TFE3: variants seen among roughly 807,000 people sequenced by gnomAD.
TFE3 encodes the protein transcription factor binding to IGHM enhancer 3, also known as transcription factor E3.
A neutral mutation model predicts 35.0 loss-of-function variants in TFE3; 5 were observed. That is an observed-to-expected ratio of 0.14 (90% CI 0.07 to 0.30). The LOEUF is 0.30. Among genes scored for constraint, TFE3 ranks in the 10% least tolerant of loss-of-function variants. TFE3 has a pLI of 1.00. For synonymous variants in TFE3, 211 were observed against 215.6 expected, an observed-to-expected ratio of 0.98 and a Z score of 0.18; for missense variants, 374 against 496.6, an observed-to-expected ratio of 0.75 and a Z score of 2.35.
chrX:49,035,896 C>A (rs2064726592), intron 5 of TFE3, among the ~76,000 whole-genome samples: 1 of 111,029 alleles, frequency 9.0e-6, no homozygotes, highest in Non-Finnish European at 1.9e-5. Flanking sequence ...TGAGACCAGG[C>A]ATGGTGGCTA....
At chrX:49,038,554 G>A (rs1229120347) in intron 3 of TFE3, 112 bp from the exon 4 acceptor site, 6 of 974,547 alleles carry the variant, frequency 6.2e-6, no homozygotes, top group African/African-American at 2.0e-5. Context: ...CTAGACTCAC[G>A]CAGACAAGCT....
Position 49,036,012 on chromosome X carries a change from A to G in TFE3, c.886-1761T>C, listed in dbSNP as rs1284028175. ...CAGTGAGACCCTGTCTCTACTAAAAATGCAAAAAATTAGCCAGGCATGGTG... is the reference window on the plus strand; with the variant it reads ...CAGTGAGACCCTGTCTCTACTAAAAGTGCAAAAAATTAGCCAGGCATGGTG... On this transcript the variant is annotated intron_variant, in intron 5 of 9. Transcript: ENST00000315869. 2.8e-5 allele frequency among the ~76,000 whole-genome samples: 3 copies of G among 106,788 alleles called. No individual in the cohort carries two copies. The Admixed American group carries it at 3.0e-4, about 11-fold the overall frequency. 92.7% of individuals were successfully genotyped at this position (106,788 alleles called of 115,157 possible). A position where few individuals can be genotyped will look rare whatever the true frequency, so the allele number is the denominator to read the frequency against.
rs370070686 is a variant in TFE3 at position 49,029,914 on chromosome X, G to C, written c.*244C>G. On this transcript the variant is annotated 3_prime_UTR_variant, in exon 10 of 10. Transcript: ENST00000315869. ...CCCAGGGGGCAGGCCCTGATCTCATGTCCTTCTCCAGCCTTCTCCTTCTGA... is the reference window on the plus strand; with the variant it reads ...CCCAGGGGGCAGGCCCTGATCTCATCTCCTTCTCCAGCCTTCTCCTTCTGA... 292 of 510,808 alleles carry C rather than the reference G, an allele frequency of 5.7e-4. 6 individuals are homozygous for C. The highest frequency in any genetic ancestry group is 2.0e-3 in the Admixed American group (83 of 41,160). The allele number at this position is 510,808 out of a possible 1,213,427, so 42.1% of individuals were successfully genotyped here. A position where few individuals can be genotyped will look rare whatever the true frequency, so the allele number is the denominator to read the frequency against.
intron 8 of TFE3, 157 bp from the exon 9 acceptor site, chrX:49,031,701 C>T (rs1316118411): frequency 5.5e-6 from 3 of 547,793 alleles, no homozygotes; most frequent in African/African-American, 2.4e-5. Context: ...GAAAACTTCC[C>T]GCCTGGAATC....
chrX:49,043,289 A>C lies in TFE3; in HGVS notation c.-63T>G. The C allele has an allele frequency of 7.1e-6, 6 of 845,669 alleles. No individual in the cohort carries two copies. The highest frequency in any genetic ancestry group is 9.7e-6 in the Non-Finnish European group (6 of 619,867). The allele number at this position is 845,669 out of a possible 1,213,427, so 69.7% of individuals were successfully genotyped here. A position where few individuals can be genotyped will look rare whatever the true frequency, so the allele number is the denominator to read the frequency against. On this transcript the variant is annotated 5_prime_UTR_variant, in exon 1 of 10. It adds an upstream start codon to the 5' untranslated region. Transcript: ENST00000315869. ...GGCCTCGGCCCGGTCCCCCTAACAAAATAAGAGTCCCCCCTCCCCCCAGCT... is the reference window on the plus strand; with the variant it reads ...GGCCTCGGCCCGGTCCCCCTAACAACATAAGAGTCCCCCCTCCCCCCAGCT...
chrX:49,039,328 C>T lies in TFE3; in HGVS notation c.313G>A (p.Ala105Thr). 1 of 1,207,162 alleles carries T rather than the reference C, an allele frequency of 8.3e-7. No homozygotes were observed. The highest frequency in any genetic ancestry group is 1.1e-6 in the Non-Finnish European group (1 of 893,145). Reference sequence around the variant, plus strand: ...CTCGATGAAGAAGATGACGACATGGCAGGGGTCCTGGAGCCCCCTGCAGAA... The same window carrying T: ...CTCGATGAAGAAGATGACGACATGGTAGGGGTCCTGGAGCCCCCTGCAGAA... Reference protein sequence around the residue: ...SSSAGGSRTPAMSSSSSSRVL... With the variant: ...SSSAGGSRTPTMSSSSSSRVL... Residue 105 changes from alanine to threonine, a missense_variant, in exon 3 of 10, where the codon GCC becomes ACC. This residue lies in a region of TFE3 where 90 missense variants were observed against 87.5 expected (regional missense o/e 1.03). Coordinates refer to ENST00000315869, the MANE Select transcript of TFE3 (RefSeq NM_006521.6).
At chrX:49,031,238 A>G (rs2064698153) in intron 9 of TFE3, among the ~76,000 whole-genome samples, 159 bp downstream of exon 9, 1 of 111,106 alleles carries the variant, frequency 9.0e-6, no homozygotes, top group South Asian at 3.7e-4. Context: ...TAATATTATG[A>G]TTATTATTTA....
In TFE3 at chrX:49,039,188, G is replaced by A. The variant is rs1557075283; in HGVS notation, c.453C>T (p.Ala151=). Residue 151 remains alanine (A), a synonymous_variant, in exon 3 of 10, where the codon GCC becomes GCT. Transcript: ENST00000315869. ...CAGCAGAGACGCCAACCACAGAGATGGCAGGAGAGGCAGGTGCAGGACTGG... is the reference window on the plus strand; with the variant it reads ...CAGCAGAGACGCCAACCACAGAGATAGCAGGAGAGGCAGGTGCAGGACTGG... ...PFPSPAPASP[A]ISVVGVSAGG... The A allele has an allele frequency of 2.5e-6, 3 of 1,204,923 alleles. No homozygotes were observed. Among genetic ancestry groups the A allele is most frequent in the Non-Finnish European group, 3.4e-6 (3 of 891,765 alleles).
chrX:49,037,264 T>C (rs1450040437), intron 5 of TFE3, among the ~76,000 whole-genome samples: 1 of 111,154 alleles, frequency 9.0e-6, no homozygotes, highest in African/African-American at 3.3e-5. Flanking sequence ...ACCGCTGCAC[T>C]CCAGCCAGGG....
At position 49,041,769 on chromosome X, in the gene TFE3, C is replaced by T. The variant is rs183368194; in HGVS notation, c.117-1201G>A. Among the ~76,000 whole-genome samples the T allele has an allele frequency of 3.6e-3, 404 of 112,118 alleles. 1 individual carries two copies. The highest frequency in any genetic ancestry group is 5.0e-3 in the Non-Finnish European group (268 of 53,199). On this transcript the variant is annotated intron_variant, in intron 1 of 9. Coordinates refer to ENST00000315869, the MANE Select transcript of TFE3 (RefSeq NM_006521.6). ...GATATACAGAAAGGCTCTGCTCAGC[C>T]CCAGAGAGCAAGGGACAGTTAACAC...
intron 9 of TFE3, 63 bp downstream of exon 9, chrX:49,031,334 C>G: frequency 8.8e-7 from 1 of 1,130,412 alleles, no homozygotes; most frequent in Non-Finnish European, 1.2e-6. Flanking sequence ...CCTGCTCTCT[C>G]TCTGCCTCCA....
chrX:49,032,814 A>G (rs1557073986), intron 8 of TFE3, among the ~76,000 whole-genome samples: 7 of 110,565 alleles, frequency 6.3e-5, no homozygotes. Context: ...AGCGGGGATT[A>G]CAGGTGCGTG....
intron 5 of TFE3, among the ~76,000 whole-genome samples, chrX:49,034,493 G>A (rs1557074342): frequency 1.8e-5 from 2 of 111,676 alleles, no homozygotes; most frequent in Admixed American, 1.9e-4. Flanking sequence ...GAGCCTGCCT[G>A]GCCTGCTTAT....
chrX:49,038,476 A>C, intron 3 of TFE3, 34 bp from the exon 4 acceptor site: 1 of 1,183,674 alleles, frequency 8.4e-7, no homozygotes, highest in Non-Finnish European at 1.1e-6. Flanking sequence ...AAGAGAGGGG[A>C]CAAGGCAGAA....
Position 49,030,426 on chromosome X carries a change from G to A in TFE3, c.1460C>T (p.Ala487Val). The change falls in exon 10 of 10, where the codon GCT becomes GTT. Residue 487 changes from alanine to valine, a missense_variant. Transcript: ENST00000315869. ...CGGTGCAGGGGGCTGCTGATGGGGA[G>A]CATTCTGGGCAGGTCCCCCCCCTAC... ...FHVGGGPAQN[A>V]PHQQPPAPPS... The A allele has an allele frequency of 8.3e-7, 1 of 1,211,452 alleles. No individual in the cohort carries two copies. The highest frequency in any genetic ancestry group is 1.1e-6 in the Non-Finnish European group (1 of 895,403).
Position 49,043,308 on chromosome X carries a change from C to G in TFE3, c.-82G>C. On this transcript the variant is annotated 5_prime_UTR_variant, in exon 1 of 10. Transcript: ENST00000315869. ...TAACAAAATAAGAGTCCCCCCTCCCCCCAGCTCGCCACCGCCGCCTCCTCC... is the reference window on the plus strand; with the variant it reads ...TAACAAAATAAGAGTCCCCCCTCCCGCCAGCTCGCCACCGCCGCCTCCTCC... 2 of 783,982 alleles carry G rather than the reference C, an allele frequency of 2.6e-6. No homozygotes were observed. The highest frequency in any genetic ancestry group is 3.8e-5 in the East Asian group (1 of 26,366). 64.6% of individuals were successfully genotyped at this position (783,982 alleles called of 1,213,427 possible).
intron 8 of TFE3, among the ~76,000 whole-genome samples, chrX:49,032,265 C>T (rs919660656): frequency 1.4e-4 from 15 of 111,006 alleles, no homozygotes; most frequent in Non-Finnish European, 2.6e-4. Context: ...GATGGAGTCT[C>T]GCTCTGTCAC....
intron 2 of TFE3, 190 bp from the exon 3 acceptor site, chrX:49,039,600 G>A (rs1368565071): frequency 2.4e-6 from 1 of 422,665 alleles, no homozygotes; most frequent in Non-Finnish European, 3.9e-6. Context: ...GTCTGATGGG[G>A]GACACACTGG....
At position 49,032,384 on chromosome X, in the gene TFE3, G is replaced by C. The variant is rs1291679537; in HGVS notation, c.1137-840C>G. Among the ~76,000 whole-genome samples, 4 of 110,719 alleles carry C rather than the reference G, an allele frequency of 3.6e-5. No individual in the cohort carries two copies. In the East Asian group the frequency reaches 1.1e-3, roughly 32 times the overall value. On this transcript the variant is annotated intron_variant, in intron 8 of 9. Coordinates refer to ENST00000315869, the MANE Select transcript of TFE3 (RefSeq NM_006521.6). ...TGAGTAGCTGAGATGACAGGCCTAC[G>C]CCACCACGCCCAGCTAATTTTTTTT...
Sources: allele counts gnomAD v4.1 joint callset (sites outside exome capture counted in the v4.1 genomes callset), GRCh38; gene constraint gnomAD v4.1.1; regional missense constraint gnomAD v4.1.1; transcripts MANE v1.5; gene names NCBI Gene and HGNC (gene_info 2026-07-23, HGNC 2026-07-21).